Variants in PTPRG observed in about 807,000 individuals in gnomAD.
PTPRG encodes protein tyrosine phosphatase receptor type G, also known as receptor-type tyrosine-protein phosphatase gamma.
PTPRG carries 102 observed loss-of-function variants against 165.3 expected under a neutral mutation model. That is an observed-to-expected ratio of 0.62 (90% CI 0.53 to 0.73). The LOEUF is 0.73. PTPRG is among the 30% of genes least tolerant of loss of function. The pLI is 0.00. For synonymous variants in PTPRG, 675 were observed against 669.5 expected (o/e 1.01, Z -0.13); for missense variants, 1,866 against 1,861.4 (o/e 1.00, Z -0.05).
In PTPRG at chr3:62,157,354, C is replaced by T. The variant is rs146515833; in HGVS notation, c.840+130C>T. On this transcript the variant is annotated intron_variant, in intron 7 of 29. Coordinates refer to ENST00000474889, the MANE Select transcript of PTPRG (RefSeq NM_002841.4). ...TGTGCATATCATTGATTCCTGCAGTCTTTCCCACAAACATGTTTTTGAACC... is the reference window on the plus strand; with the variant it reads ...TGTGCATATCATTGATTCCTGCAGTTTTTCCCACAAACATGTTTTTGAACC... 1.7e-5 allele frequency: 16 copies of T among 946,440 alleles called. 1 individual carries two copies. In the East Asian group the frequency reaches 4.0e-4, roughly 24 times the overall value. 58.6% of individuals were successfully genotyped at this position (946,440 alleles called of 1,614,324 possible).
intron 2 of PTPRG, among the ~76,000 whole-genome samples, chr3:61,821,567 A>G (rs1344912202): frequency 6.6e-6 from 1 of 152,162 alleles, no homozygotes; most frequent in East Asian, 1.9e-4. Context: ...CATGCCAGAG[A>G]ACTGAGGCTT....
intron 1 of PTPRG, among the ~76,000 whole-genome samples, chr3:61,628,064 A>G (rs1206005530): frequency 6.6e-6 from 1 of 152,202 alleles, no homozygotes; most frequent in Non-Finnish European, 1.5e-5. Context: ...GGACAGACAG[A>G]TATATCCCTA....
intron 2 of PTPRG, among the ~76,000 whole-genome samples, chr3:61,777,467 C>G (rs59622482): frequency 1.3e-5 from 2 of 152,096 alleles, no homozygotes; most frequent in South Asian, 4.1e-4. Flanking sequence ...AATACATTTT[C>G]TAGGCCCTGG....
chr3:61,884,546 A>G (rs1211363480), intron 2 of PTPRG, among the ~76,000 whole-genome samples: 1 of 152,232 alleles, frequency 6.6e-6, no homozygotes, highest in Non-Finnish European at 1.5e-5. Flanking sequence ...AAGGTGAATC[A>G]AGAAAAGTGA....
In PTPRG at chr3:62,031,447, A is replaced by T. The variant is rs546213163; in HGVS notation, c.519+27950A>T. On this transcript the variant is annotated intron_variant, in intron 4 of 29. Coordinates refer to ENST00000474889, the MANE Select transcript of PTPRG (RefSeq NM_002841.4). ...GAAGTCTCGGATGGCTATGGACAGA[A>T]TGAAAATAAGATTACCATGATATGG... 7.2e-5 allele frequency among the ~76,000 whole-genome samples: 11 copies of T among 152,342 alleles called. No individual in the cohort carries two copies. In the South Asian group the frequency reaches 2.3e-3, roughly 32 times the overall value.
At chr3:62,162,005 T>G (rs1306320182) in intron 7 of PTPRG, among the ~76,000 whole-genome samples, 1 of 152,212 alleles carries the variant, frequency 6.6e-6, no homozygotes, top group Non-Finnish European at 1.5e-5. Context: ...TGCCATTATA[T>G]GCCCATCCCT....
At chr3:61,805,553 C>CAAAAAAAAAAAAAAAAAAAAAAAAAAAAA (rs2035388867) in intron 2 of PTPRG, among the ~76,000 whole-genome samples, 2 of 115,474 alleles carry the variant, frequency 1.7e-5, no homozygotes, top group Non-Finnish European at 1.8e-5. Context: ...AAAAAAAAAT[C>CAAAAAAAAAAAAAAAAAAAAAAAAAAAAA]AAAGTGCCCC....
intron 1 of PTPRG, among the ~76,000 whole-genome samples, chr3:61,568,387 G>T (rs576520779): frequency 1.2e-3 from 182 of 152,262 alleles, no homozygotes; most frequent in African/African-American, 4.1e-3. Flanking sequence ...AGGATTGTTA[G>T]GTATAAGTGA....
chr3:62,292,758 C>T (rs573885068), intron 29 of PTPRG: 3 of 580,616 alleles, frequency 5.2e-6, no homozygotes, highest in South Asian at 4.6e-5. Flanking sequence ...GCAAACTACA[C>T]AGCACAAGAC....
At chr3:62,037,225 A>G (rs1699974822) in intron 4 of PTPRG, among the ~76,000 whole-genome samples, 1 of 152,204 alleles carries the variant, frequency 6.6e-6, no homozygotes, top group Non-Finnish European at 1.5e-5. Flanking sequence ...CCCATAGGTC[A>G]TATAAGGATA....
At chr3:62,275,782 C>A in intron 23 of PTPRG, 91 bp from the exon 24 acceptor site, 2 of 894,886 alleles carry the variant, frequency 2.2e-6, no homozygotes, top group South Asian at 1.7e-5. Flanking sequence ...TCTTGTTTAT[C>A]AGTAATCTGA....
intron 5 of PTPRG, among the ~76,000 whole-genome samples, chr3:62,096,737 T>C (rs1012986033): frequency 5.4e-4 from 82 of 152,216 alleles, no homozygotes; most frequent in African/African-American, 1.8e-3. Flanking sequence ...ATTTATATAG[T>C]ATCATATTAT....
chr3:61,765,885 G>C (rs2034000817), intron 2 of PTPRG, among the ~76,000 whole-genome samples: 1 of 152,150 alleles, frequency 6.6e-6, no homozygotes, highest in Non-Finnish European at 1.5e-5. Context: ...ATGGCTGTTT[G>C]TACTCATTTG....
At chr3:61,602,858 G>A (rs1174390770) in intron 1 of PTPRG, among the ~76,000 whole-genome samples, 2 of 152,192 alleles carry the variant, frequency 1.3e-5, no homozygotes, top group East Asian at 3.9e-4. Context: ...TTAAAACATA[G>A]ACTTATGTAA....
intron 2 of PTPRG, among the ~76,000 whole-genome samples, chr3:61,921,849 A>G (rs893041818): frequency 6.6e-6 from 1 of 152,128 alleles, no homozygotes; most frequent in Non-Finnish European, 1.5e-5. Flanking sequence ...TAACATCTTT[A>G]TGTGAAGCAA....
intron 5 of PTPRG, among the ~76,000 whole-genome samples, chr3:62,103,436 T>C (rs867312793): frequency 6.6e-5 from 10 of 152,226 alleles, no homozygotes; most frequent in African/African-American, 2.4e-4. Flanking sequence ...ATAAAAGTTA[T>C]CCATCTCCAG....
chr3:62,094,413 TG>T (rs1702041464), intron 5 of PTPRG, among the ~76,000 whole-genome samples: 1 of 151,964 alleles, frequency 6.6e-6, no homozygotes, highest in African/African-American at 2.4e-5. Flanking sequence ...TCTTGTACTT[TG>T]GAACCACTTC....
chr3:62,118,375 T>C (rs1270631295), intron 5 of PTPRG: 4 of 152,206 alleles, frequency 2.6e-5, no homozygotes, highest in Non-Finnish European at 5.9e-5. Flanking sequence ...GTGGTCATAG[T>C]GTGCTGGCCC....
At chr3:62,041,147 A>G (rs1700115865) in intron 4 of PTPRG, among the ~76,000 whole-genome samples, 1 of 152,178 alleles carries the variant, frequency 6.6e-6, no homozygotes, top group Non-Finnish European at 1.5e-5. Context: ...CAAGTTTTCT[A>G]TTCTCGGCAC....
Sources: gnomAD v4.1 joint callset for allele counts (sites outside exome capture counted in the v4.1 genomes callset) on GRCh38, gnomAD v4.1.1 for gene constraint, MANE v1.5 for transcripts, NCBI Gene and HGNC (gene_info 2026-07-23, HGNC 2026-07-21) for gene names.